The following PSMD12 variants were observed in gnomAD, a reference collection of about 807,000 sequenced individuals.
The protein encoded by PSMD12 is proteasome 26S subunit, non-ATPase 12.
In PSMD12, 8 loss-of-function variants were observed where a neutral mutation model predicts 62.9. The ratio of observed to expected loss-of-function variants is 0.13; its 90% CI spans 0.07 to 0.23. The LOEUF is 0.23. Ranked by LOEUF, PSMD12 falls within the 10% of genes least tolerant of loss-of-function variation. The pLI is 1.00. For synonymous variants in PSMD12, 173 were observed against 187.4 expected (o/e 0.92, Z 0.63); for missense variants, 424 against 550.2 (o/e 0.77, Z 2.29).
At position 67,344,617 on chromosome 17, in the gene PSMD12, C is replaced by T; in HGVS notation, c.1072G>A (p.Val358Ile). 2 of 1,608,172 alleles carry T rather than the reference C, an allele frequency of 1.2e-6. No homozygotes were observed. Among genetic ancestry groups the T allele is most frequent in the Non-Finnish European group, 1.7e-6 (2 of 1,176,246 alleles). Reference sequence around the variant, plus strand: ...TGACAGATTCTTACATGTTCAACAACTCTGTTCTTCAAGTCTTTCCACCTT... The same window carrying T: ...TGACAGATTCTTACATGTTCAACAATTCTGTTCTTCAAGTCTTTCCACCTT... ...EKRWKDLKNR[V>I]VEHNIRIMAK... is the part of the protein sequence containing the mutation. Residue 358 changes from valine (V) to isoleucine (I), a missense_variant, in exon 9 of 11, where the codon GTT becomes ATT. Val to Ile is a conservative substitution (Grantham distance 29). Coordinates refer to ENST00000356126, the MANE Select transcript of PSMD12 (RefSeq NM_002816.5).
chr17:67,360,494 C>G (rs2042119412), intron 1 of PSMD12, among the ~76,000 whole-genome samples: 3 of 152,224 alleles, frequency 2.0e-5, no homozygotes. Context: ...AAACTATATT[C>G]TATTTTGGTG....
At chr17:67,348,222 A>G (rs1005575112) in intron 5 of PSMD12, among the ~76,000 whole-genome samples, 4 of 152,184 alleles carry the variant, frequency 2.6e-5, no homozygotes, top group Admixed American at 2.6e-4. Context: ...GACTGGCTGC[A>G]CCACCTTGCA....
chr17:67,357,217 T>C (rs1212146754), intron 3 of PSMD12, 86 bp downstream of exon 3: 2 of 1,444,432 alleles, frequency 1.4e-6, no homozygotes, highest in Non-Finnish European at 1.9e-6. Context: ...ACTTAACACA[T>C]TTTAAACAGA....
intron 1 of PSMD12, among the ~76,000 whole-genome samples, chr17:67,360,007 A>G (rs974990837): frequency 6.0e-4 from 92 of 152,312 alleles, no homozygotes; most frequent in African/African-American, 2.2e-3. Flanking sequence ...GCTTAGCCAC[A>G]AAAGGAAATG....
chr17:67,364,749 A>C (rs1349593234), intron 1 of PSMD12, among the ~76,000 whole-genome samples: 1 of 152,240 alleles, frequency 6.6e-6, no homozygotes, highest in Non-Finnish European at 1.5e-5. Context: ...CTAAATATTA[A>C]GGTATTTAAT....
chr17:67,341,251 T>C (rs1016103738), intron 10 of PSMD12, among the ~76,000 whole-genome samples, 199 bp from the exon 11 acceptor site: 1 of 151,886 alleles, frequency 6.6e-6, no homozygotes, highest in Non-Finnish European at 1.5e-5. Context: ...GGTGAATCAC[T>C]TGAGGTCAGG....
intron 1 of PSMD12, chr17:67,362,670 A>C (rs916481815): frequency 6.9e-6 from 1 of 145,622 alleles, no homozygotes; most frequent in African/African-American, 2.6e-5. Flanking sequence ...TCAAAAAAAA[A>C]AAAACAAAAA....
At chr17:67,352,728 A>G (rs2042029609) in intron 3 of PSMD12, among the ~76,000 whole-genome samples, 1 of 152,160 alleles carries the variant, frequency 6.6e-6, no homozygotes, top group Admixed American at 6.5e-5. Flanking sequence ...TAAGCTGCAC[A>G]CCATTCTGAG....
chr17:67,345,368 G>A (rs1487367182), intron 8 of PSMD12, among the ~76,000 whole-genome samples: 1 of 152,180 alleles, frequency 6.6e-6, no homozygotes, highest in Admixed American at 6.5e-5. Context: ...TAGGCCAGGC[G>A]CAGTGGCTCA....
intron 5 of PSMD12, among the ~76,000 whole-genome samples, chr17:67,348,306 T>C (rs1443769193): frequency 6.6e-6 from 1 of 152,214 alleles, no homozygotes; most frequent in Non-Finnish European, 1.5e-5. Flanking sequence ...TTGTTTAAAC[T>C]GTAGGCATTT....
rs138885462 is a variant in PSMD12 at position 67,360,333 on chromosome 17, G to A, written c.109-2755C>T. On this transcript the variant is annotated intron_variant, in intron 1 of 10. Transcript: ENST00000356126. ...CATACATGTGAGAGAATCACACATT[G>A]GCCTAAAGCCACAGTCTGGAGTATC... Among the ~76,000 whole-genome samples the A allele has an allele frequency of 7.2e-5, 11 of 152,274 alleles. No individual in the cohort carries two copies. The East Asian group carries it at 2.1e-3, about 29-fold the overall frequency.
intron 4 of PSMD12, 38 bp downstream of exon 4, chr17:67,350,191 G>T: frequency 7.3e-7 from 1 of 1,376,182 alleles, no homozygotes; most frequent in Non-Finnish European, 1.0e-6. Flanking sequence ...AGAAAAAACA[G>T]TTCATATCAT....
chr17:67,362,174 A>G (rs778519178), intron 1 of PSMD12, among the ~76,000 whole-genome samples: 11 of 152,232 alleles, frequency 7.2e-5, no homozygotes, highest in Non-Finnish European at 1.5e-4. Context: ...CATAATCAAA[A>G]AGAGAGAATG....
chr17:67,346,263 C>T (rs1030122503), intron 7 of PSMD12, among the ~76,000 whole-genome samples: 8 of 151,810 alleles, frequency 5.3e-5, no homozygotes, highest in Admixed American at 1.3e-4. Flanking sequence ...GGCGTGGGGG[C>T]GGGTGCCTGT....
chr17:67,345,999 C>T (rs190192663), intron 7 of PSMD12, 142 bp from the exon 8 acceptor site: 30 of 730,336 alleles, frequency 4.1e-5, no homozygotes, highest in Admixed American at 5.6e-5. Flanking sequence ...TCTGTAATCC[C>T]AGCACTTTGG....
intron 3 of PSMD12, among the ~76,000 whole-genome samples, chr17:67,354,096 C>A (rs926984516): frequency 1.3e-5 from 2 of 152,178 alleles, no homozygotes. Context: ...CATAAAAATA[C>A]GTTTCTCCAT....
chr17:67,364,940 T>A (rs751055221), intron 1 of PSMD12, among the ~76,000 whole-genome samples: 1 of 152,104 alleles, frequency 6.6e-6, no homozygotes, highest in African/African-American at 2.4e-5. Context: ...TCCCAGCACT[T>A]TGGCAGGCAG....
intron 3 of PSMD12, among the ~76,000 whole-genome samples, chr17:67,353,643 G>C (rs940929198): frequency 6.6e-6 from 1 of 152,062 alleles, no homozygotes; most frequent in African/African-American, 2.4e-5. Context: ...TTCTAAGTCT[G>C]CTTAAGCAAA....
intron 9 of PSMD12, 22 bp downstream of exon 9, chr17:67,344,584 C>A: frequency 6.7e-7 from 1 of 1,498,000 alleles, no homozygotes; most frequent in South Asian, 1.4e-5. Flanking sequence ...TAAAAATTGT[C>A]ATCTCTATGA....
Sources: allele counts gnomAD v4.1 joint callset (sites outside exome capture counted in the v4.1 genomes callset), GRCh38; gene constraint gnomAD v4.1.1; transcripts MANE v1.5; gene names NCBI Gene and HGNC (gene_info 2026-07-23, HGNC 2026-07-21).